The following ZYG11B variants were observed in gnomAD, a reference collection of about 807,000 sequenced individuals.
ZYG11B encodes zyg-11 family member B, cell cycle regulator, also known as protein zyg-11 homolog B.
Under a neutral mutation model 82.4 loss-of-function variants are expected in ZYG11B, and 36 were observed. The ratio of observed to expected loss-of-function variants is 0.44; its 90% CI spans 0.33 to 0.58. ZYG11B has a LOEUF of 0.58. Ranked by LOEUF, ZYG11B falls within the 20% of genes least tolerant of loss-of-function variation. The pLI, the probability that ZYG11B is intolerant of heterozygous loss-of-function variation, is 0.02. For synonymous variants in ZYG11B, 303 were observed against 312.8 expected (o/e 0.97, Z 0.33); for missense variants, 552 against 895.6 (o/e 0.62, Z 4.90).
At chr1:52,756,009 A>G (rs997813154) in intron 1 of ZYG11B, among the ~76,000 whole-genome samples, 10 of 152,202 alleles carry the variant, frequency 6.6e-5, no homozygotes, top group African/African-American at 1.9e-4. Context: ...CATGTTGGCC[A>G]GGCTGGTCTC....
intron 5 of ZYG11B, among the ~76,000 whole-genome samples, chr1:52,787,837 A>T (rs1173794572): frequency 6.6e-6 from 1 of 152,138 alleles, no homozygotes; most frequent in Admixed American, 6.5e-5. Context: ...ATTAGTTGGA[A>T]ATGCAAATAC....
At chr1:52,809,092 G>A (rs1473905918) in intron 10 of ZYG11B, among the ~76,000 whole-genome samples, 1 of 151,942 alleles carries the variant, frequency 6.6e-6, no homozygotes, top group Admixed American at 6.6e-5. Context: ...TCCTCATTAT[G>A]AATTATGTTT....
In ZYG11B at chr1:52,823,522, TTTTTTTTTTTTTCC is replaced by T. The variant is rs1645301230; in HGVS notation, c.*1899_*1912del. On this transcript the variant is annotated 3_prime_UTR_variant, in exon 14 of 14. Transcript: ENST00000294353. ...AAATAGAGAATTCTTTTAAAAGTTTTTTTTTTTTTTTTCCTTTTTCGAATGTTAATGTCTAAGAC... is the reference window on the plus strand; with the variant it reads ...AAATAGAGAATTCTTTTAAAAGTTTTTTTTTCGAATGTTAATGTCTAAGAC... 6.7e-6 allele frequency: 1 copy of T among 148,952 alleles called. No homozygotes were observed. The highest frequency in any genetic ancestry group is 1.5e-5 in the Non-Finnish European group (1 of 67,942). 9.2% of individuals were successfully genotyped at this position (148,952 alleles called of 1,614,324 possible).
chr1:52,767,870 A>C (rs1485012935), intron 2 of ZYG11B, among the ~76,000 whole-genome samples: 3 of 152,170 alleles, frequency 2.0e-5, no homozygotes, highest in Non-Finnish European at 4.4e-5. Flanking sequence ...GCAGGGAAGC[A>C]GGTAGAGAAC....
intron 10 of ZYG11B, among the ~76,000 whole-genome samples, chr1:52,806,571 T>A (rs1645143296): frequency 6.8e-6 from 1 of 148,024 alleles, no homozygotes; most frequent in South Asian, 2.1e-4. Context: ...CAAATGACTT[T>A]CTTTACCCCT....
At chr1:52,783,828 A>ACACATGTGCGTATG (rs1210996802) in intron 4 of ZYG11B, among the ~76,000 whole-genome samples, 1 of 147,414 alleles carries the variant, frequency 6.8e-6, no homozygotes, top group Non-Finnish European at 1.5e-5. Context: ...ATATGTATAC[A>ACACATGTGCGTATG]TACGTGTGTA....
intron 1 of ZYG11B, among the ~76,000 whole-genome samples, chr1:52,749,074 G>A (rs1381463809): frequency 3.3e-5 from 5 of 151,548 alleles, no homozygotes; most frequent in African/African-American, 9.7e-5. Flanking sequence ...GTGGTGCCGC[G>A]TGCCTGTAAT....
chr1:52,735,026 G>A (rs1465678058), intron 1 of ZYG11B, among the ~76,000 whole-genome samples: 1 of 150,570 alleles, frequency 6.6e-6, no homozygotes, highest in African/African-American at 2.4e-5. Context: ...ACTGCGCCCG[G>A]TCCAAATCAC....
rs1311146117 is a variant in ZYG11B at position 52,823,193 on chromosome 1, C to T, written c.*1564C>T. 6.6e-6 allele frequency: 1 copy of T among 152,100 alleles called. No homozygotes were observed. The highest frequency in any genetic ancestry group is 1.9e-4 in the East Asian group (1 of 5,182). 9.4% of individuals were successfully genotyped at this position (152,100 alleles called of 1,614,324 possible). ...TTAGGTCTGGATGCAGTGGCTCATG[C>T]TTGTAATCCCAGCACTTTGGGAAGC... is the stretch of plus-strand genomic sequence containing the variant. On this transcript the variant is annotated 3_prime_UTR_variant, in exon 14 of 14. Transcript: ENST00000294353.
At chr1:52,742,774 G>A (rs1301822537) in intron 1 of ZYG11B, among the ~76,000 whole-genome samples, 3 of 151,708 alleles carry the variant, frequency 2.0e-5, no homozygotes, top group Admixed American at 1.3e-4. Flanking sequence ...GCCGGGAGGC[G>A]GAGCTTGCAG....
At position 52,803,185 on chromosome 1, in the gene ZYG11B, TATACACATATATATATATAC is replaced by T. The variant is rs1558140355; in HGVS notation, c.1695+1048_1695+1067del. ...ATATATATACACACATATATATATA[TATACACATATATATATATAC>T]ACACACATATATATATATACACACA... is the stretch of plus-strand genomic sequence containing the variant. On this transcript the variant is annotated intron_variant, in intron 10 of 13. Transcript: ENST00000294353. 6.7e-4 allele frequency among the ~76,000 whole-genome samples: 51 copies of T among 76,370 alleles called. 3 individuals carry two copies. Among genetic ancestry groups the T allele is most frequent in the African/African-American group, 2.7e-3 (21 of 7,920 alleles). The allele number at this position is 76,370 out of a possible 152,430, so 50.1% of individuals were successfully genotyped here. A position where few individuals can be genotyped will look rare whatever the true frequency, so the allele number is the denominator to read the frequency against.
chr1:52,743,665 T>C (rs1180682270), intron 1 of ZYG11B, among the ~76,000 whole-genome samples: 8 of 152,080 alleles, frequency 5.3e-5, no homozygotes, highest in Non-Finnish European at 1.0e-4. Context: ...TGCAGTGAGC[T>C]ATGATCACAC....
In ZYG11B at chr1:52,770,072, C is replaced by CTATA. The variant is rs781732048; in HGVS notation, c.197-930_197-927dup. ...GGAGTGTGGGGGGAAGCTGTAACTA[C>CTATA]TATATATATATATATATATATTTTT... On this transcript the variant is annotated intron_variant, in intron 2 of 13. Coordinates refer to ENST00000294353, the MANE Select transcript of ZYG11B (RefSeq NM_024646.3). Among the ~76,000 whole-genome samples the CTATA allele has an allele frequency of 4.0e-3, 451 of 113,020 alleles. 6 individuals are homozygous for CTATA. The highest frequency in any genetic ancestry group is 0.016 in the Middle Eastern group (3 of 192). 74.1% of individuals were successfully genotyped at this position (113,020 alleles called of 152,430 possible).
At chr1:52,755,570 C>T (rs1211168460) in intron 1 of ZYG11B, among the ~76,000 whole-genome samples, 2 of 152,134 alleles carry the variant, frequency 1.3e-5, no homozygotes, top group African/African-American at 4.8e-5. Flanking sequence ...GGCATAATCT[C>T]AGCTCACTGC....
At chr1:52,770,584 A>C (rs1045126135) in intron 2 of ZYG11B, among the ~76,000 whole-genome samples, 1 of 152,108 alleles carries the variant, frequency 6.6e-6, no homozygotes, top group African/African-American at 2.4e-5. Flanking sequence ...TCATATAACT[A>C]TACTCTCTAG....
chr1:52,770,094 T>TA (rs1558127605), intron 2 of ZYG11B, among the ~76,000 whole-genome samples: 1,653 of 69,472 alleles, frequency 0.024, 10 homozygotes, highest in Non-Finnish European at 0.039. Flanking sequence ...ATATATATAT[T>TA]TTTTTTTTTT....
At chr1:52,775,903 T>C (rs1443194999) in intron 3 of ZYG11B, among the ~76,000 whole-genome samples, 2 of 151,306 alleles carry the variant, frequency 1.3e-5, no homozygotes, top group Admixed American at 6.6e-5. Flanking sequence ...GGTAGAGAAG[T>C]GTTGTTCACT....
intron 2 of ZYG11B, among the ~76,000 whole-genome samples, chr1:52,762,122 C>CAAA (rs74628938): frequency 0.32 from 47,951 of 151,598 alleles, 8,226 homozygotes; most frequent in Admixed American, 0.44. Flanking sequence ...GTTGTCTTTC[C>CAAA]ACTCTGTTGA....
chr1:52,808,761 C>T (rs1225896002), intron 10 of ZYG11B, among the ~76,000 whole-genome samples: 2 of 152,202 alleles, frequency 1.3e-5, no homozygotes, highest in African/African-American at 4.8e-5. Context: ...CATTGTCCCA[C>T]ATGTTACTGA....
Sources: allele counts gnomAD v4.1 joint callset (sites outside exome capture counted in the v4.1 genomes callset), GRCh38; gene constraint gnomAD v4.1.1; transcripts MANE v1.5; gene names NCBI Gene and HGNC (gene_info 2026-07-23, HGNC 2026-07-21).